Variants in RIMS2 observed in about 807,000 individuals in gnomAD.
RIMS2 encodes the protein regulating synaptic membrane exocytosis protein 2.
In RIMS2, 59 loss-of-function variants were observed where a neutral mutation model predicts 174.4. That is an observed-to-expected ratio of 0.34 (90% CI 0.27 to 0.42). RIMS2 has a LOEUF of 0.42. RIMS2 is among the 10% of genes least tolerant of loss of function. RIMS2 has a pLI of 1.00. For missense variants in RIMS2, 1,620 were observed against 1,666.3 expected (o/e 0.97, Z 0.48); for synonymous variants, 606 against 572.5 (o/e 1.06, Z -0.84).
At chr8:103,608,944 C>T (rs939000907) in intron 1 of RIMS2, among the ~76,000 whole-genome samples, 25 of 152,334 alleles carry the variant, frequency 1.6e-4, no homozygotes, top group African/African-American at 5.1e-4. Flanking sequence ...GCAGAAATCA[C>T]CCTTCTTCTG....
chr8:103,580,020 C>T (rs577946987), intron 1 of RIMS2, among the ~76,000 whole-genome samples: 2 of 152,188 alleles, frequency 1.3e-5, no homozygotes, highest in South Asian at 4.2e-4. Context: ...CAATCACCTC[C>T]CATCAGGTCT....
At chr8:103,883,510 A>G (rs113477247) in intron 3 of RIMS2, among the ~76,000 whole-genome samples, 1,702 of 151,942 alleles carry the variant, frequency 0.011, 41 homozygotes, top group African/African-American at 0.039. Context: ...TTTAAACTGT[A>G]GGAATCTATG....
chr8:103,753,182 A>G (rs1264408833), intron 2 of RIMS2, among the ~76,000 whole-genome samples: 2 of 152,060 alleles, frequency 1.3e-5, no homozygotes, highest in East Asian at 1.9e-4. Flanking sequence ...TTCTGCATCT[A>G]TTGAGATAAT....
At chr8:104,176,620 C>T (rs1287199050) in intron 19 of RIMS2, among the ~76,000 whole-genome samples, 1 of 151,516 alleles carries the variant, frequency 6.6e-6, no homozygotes, top group South Asian at 2.1e-4. Flanking sequence ...GATATTTAAA[C>T]ATTATATGCT....
At chr8:103,679,091 T>C (rs796070256) in intron 1 of RIMS2, among the ~76,000 whole-genome samples, 6 of 151,974 alleles carry the variant, frequency 3.9e-5, no homozygotes, top group Non-Finnish European at 1.5e-5. Context: ...AATGGTAAGT[T>C]TCCATGAAGA....
In RIMS2 at chr8:103,924,198, T is replaced by C. The variant is rs139247919; in HGVS notation, c.2196+2414T>C. Among the ~76,000 whole-genome samples the C allele has an allele frequency of 7.7e-3, 1,163 of 151,776 alleles. 9 individuals are homozygous for C. The highest frequency in any genetic ancestry group is 0.012 in the Non-Finnish European group (806 of 67,580). On this transcript the variant is annotated intron_variant, in intron 10 of 23. Coordinates refer to ENST00000504942, the Ensembl canonical transcript of RIMS2. ...AAGGAAAATTTTAGGATTCTTGAAA[T>C]CTATTTTCAAATTTTTCCTTCAGAA...
At chr8:104,232,850 A>G (rs2099238214) in intron 19 of RIMS2, among the ~76,000 whole-genome samples, 1 of 150,364 alleles carries the variant, frequency 6.7e-6, no homozygotes, top group Non-Finnish European at 1.5e-5. Flanking sequence ...TCCTATTTTA[A>G]CTTCTATAGT....
intron 19 of RIMS2, among the ~76,000 whole-genome samples, chr8:104,023,822 A>G (rs1293529692): frequency 6.6e-6 from 1 of 152,202 alleles, no homozygotes; most frequent in Non-Finnish European, 1.5e-5. Flanking sequence ...AAGAGGTCCA[A>G]GAAGTGTAAA....
chr8:103,997,022 G>A (rs2095144565), intron 17 of RIMS2, among the ~76,000 whole-genome samples: 1 of 151,812 alleles, frequency 6.6e-6, no homozygotes, highest in Admixed American at 6.6e-5. Flanking sequence ...AGGATTAAGA[G>A]GAGACGAAAG....
chr8:103,519,733 C>CTTTTTTTTTTTTT (rs56922734), intron 1 of RIMS2, among the ~76,000 whole-genome samples: 1 of 131,380 alleles, frequency 7.6e-6, no homozygotes. Flanking sequence ...GGCTTTACTA[C>CTTTTTTTTTTTTT]TTTTTTTTTT....
chr8:103,605,743 C>T (rs1000874760), intron 1 of RIMS2, among the ~76,000 whole-genome samples: 13 of 152,160 alleles, frequency 8.5e-5, no homozygotes, highest in African/African-American at 2.9e-4. Context: ...GTGTATGTGT[C>T]GAGGAATTTA....
chr8:103,574,809 G>A lies in RIMS2; in HGVS notation c.176+73747G>A, dbSNP rs950841520. Among the ~76,000 whole-genome samples, 35 of 152,174 alleles carry A rather than the reference G, an allele frequency of 2.3e-4. 1 individual carries two copies. The highest frequency in any genetic ancestry group is 5.9e-5 in the Non-Finnish European group (4 of 68,010). On this transcript the variant is annotated intron_variant, in intron 1 of 23. Coordinates refer to ENST00000504942, the Ensembl canonical transcript of RIMS2. ...ATTCTTTGATTTAAATGTTTACTTA[G>A]CGTACACCAAATGTGTACTTAATGA...
At chr8:103,616,996 A>T (rs1174413135) in intron 1 of RIMS2, among the ~76,000 whole-genome samples, 1 of 152,194 alleles carries the variant, frequency 6.6e-6, no homozygotes, top group African/African-American at 2.4e-5. Flanking sequence ...CACCAATGAT[A>T]TTCTTCACAA....
At chr8:103,991,628 T>G (rs2094704855) in intron 17 of RIMS2, among the ~76,000 whole-genome samples, 1 of 152,088 alleles carries the variant, frequency 6.6e-6, no homozygotes, top group Non-Finnish European at 1.5e-5. Context: ...AGAATTTCCT[T>G]TGAGATAATA....
intron 19 of RIMS2, among the ~76,000 whole-genome samples, chr8:104,213,878 A>AG (rs539234139): frequency 1.1e-5 from 1 of 90,824 alleles, no homozygotes. Flanking sequence ...TCTGCCTCGG[A>AG]AAAAAAAAAA....
rs2082806277 is a variant in RIMS2, at chr8:103,942,680, T to C, written c.2548-93T>C. Reference sequence around the variant, plus strand: ...TGTTTTTCATGTAATAGCATTACTATTATAATTATTACTACAAAAGTTATA... The same window carrying C: ...TGTTTTTCATGTAATAGCATTACTACTATAATTATTACTACAAAAGTTATA... On this transcript the variant is annotated intron_variant, in intron 13 of 23. Transcript: ENST00000504942. The C allele has an allele frequency of 7.9e-6, 7 of 882,744 alleles. No homozygotes were observed. The Admixed American group carries it at 1.7e-4, about 22-fold the overall frequency. The allele number at this position is 882,744 out of a possible 1,614,324, so 54.7% of individuals were successfully genotyped here. A position where few individuals can be genotyped will look rare whatever the true frequency, so the allele number is the denominator to read the frequency against.
chr8:104,159,636 G>A (rs149052818), intron 19 of RIMS2, among the ~76,000 whole-genome samples: 35 of 152,114 alleles, frequency 2.3e-4, no homozygotes, highest in African/African-American at 8.0e-4. Context: ...TATGAGGGTG[G>A]TATCTCATTG....
intron 19 of RIMS2, among the ~76,000 whole-genome samples, chr8:104,098,736 G>A (rs1465407664): frequency 1.3e-5 from 2 of 152,058 alleles, no homozygotes; most frequent in Non-Finnish European, 2.9e-5. Context: ...TCTTTAGAAG[G>A]ACAAGCAGAA....
At chr8:104,067,311 T>A (rs927027703) in intron 19 of RIMS2, among the ~76,000 whole-genome samples, 1 of 152,194 alleles carries the variant, frequency 6.6e-6, no homozygotes, top group Non-Finnish European at 1.5e-5. Flanking sequence ...TTTCCCAGTA[T>A]GTAGATTTGT....
Sources: allele counts gnomAD v4.1 joint callset (sites outside exome capture counted in the v4.1 genomes callset), GRCh38; gene constraint gnomAD v4.1.1; transcripts MANE v1.5; gene names NCBI Gene and HGNC (gene_info 2026-07-23, HGNC 2026-07-21).